The following FAM227B variants were observed in gnomAD, a reference collection of about 807,000 sequenced individuals.
The protein encoded by FAM227B is family with sequence similarity 227 member B.
In FAM227B, 88 loss-of-function variants were observed where a neutral mutation model predicts 73.8. That is an observed-to-expected ratio of 1.19 (90% CI 1.00 to 1.42). The LOEUF (loss-of-function observed/expected upper bound fraction) is 1.42. Among genes scored for constraint, FAM227B ranks in the 40% most tolerant of loss-of-function variants. FAM227B has a pLI of 0.00. For missense variants in FAM227B, 632 were observed against 590.9 expected (o/e 1.07, Z -0.72); for synonymous variants, 210 against 190.5 (o/e 1.10, Z -0.84).
intron 11 of FAM227B, among the ~76,000 whole-genome samples, chr15:49,440,281 C>A (rs961483313): frequency 6.6e-6 from 1 of 151,670 alleles, no homozygotes; most frequent in Non-Finnish European, 1.5e-5. Context: ...CAATTTGGAT[C>A]ATTTCCCCTT....
At chr15:49,458,551 A>G (rs1432947855) in intron 11 of FAM227B, among the ~76,000 whole-genome samples, 1 of 152,126 alleles carries the variant, frequency 6.6e-6, no homozygotes, top group East Asian at 1.9e-4. Flanking sequence ...AAACTCTTTA[A>G]GAACAGGATG....
chr15:49,476,758 CA>C (rs548306069), intron 11 of FAM227B, among the ~76,000 whole-genome samples: 2 of 151,742 alleles, frequency 1.3e-5, no homozygotes, highest in African/African-American at 2.4e-5. Flanking sequence ...TTTAGATTTA[CA>C]AAAAAAATTG....
intron 3 of FAM227B, among the ~76,000 whole-genome samples, chr15:49,596,595 G>A (rs1239423122): frequency 6.6e-6 from 1 of 151,822 alleles, no homozygotes; most frequent in Non-Finnish European, 1.5e-5. Flanking sequence ...AGTAACAACT[G>A]GCATGATGAA....
intron 11 of FAM227B, among the ~76,000 whole-genome samples, chr15:49,428,465 C>T (rs547383068): frequency 1.3e-5 from 2 of 151,988 alleles, no homozygotes; most frequent in South Asian, 4.1e-4. Context: ...TCAGAACTCT[C>T]CCCATGGGGA....
At chr15:49,475,567 TAACA>T (rs1486224229) in intron 11 of FAM227B, among the ~76,000 whole-genome samples, 2 of 152,194 alleles carry the variant, frequency 1.3e-5, no homozygotes, top group Non-Finnish European at 2.9e-5. Context: ...AGCAGATATT[TAACA>T]AATAAAATAT....
intron 9 of FAM227B, among the ~76,000 whole-genome samples, chr15:49,551,554 GC>G (rs1205511661): frequency 6.6e-6 from 1 of 152,032 alleles, no homozygotes; most frequent in Non-Finnish European, 1.5e-5. Context: ...CATCCATTCA[GC>G]CAGTCTTTTA....
At chr15:49,541,957 TA>T in intron 9 of FAM227B, 151 bp from the exon 10 acceptor site, 1 of 612,336 alleles carries the variant, frequency 1.6e-6, no homozygotes, top group Non-Finnish European at 2.4e-6. Flanking sequence ...ATCACATTTA[TA>T]TAAATTAATG....
chr15:49,533,473 T>C lies in FAM227B; in HGVS notation c.874+8207A>G, dbSNP rs532775646. On this transcript the variant is annotated intron_variant, in intron 10 of 15. Coordinates refer to ENST00000299338, the MANE Select transcript of FAM227B (RefSeq NM_152647.3). ...ATCAATTTTTGAAAATAGGGTCTTA[T>C]AGTCTCCTATTATTATTGCTTTGTA... Among the ~76,000 whole-genome samples the C allele has an allele frequency of 7.2e-5, 11 of 152,024 alleles. No homozygotes were observed. In the South Asian group the frequency reaches 1.4e-3, roughly 20 times the overall value.
intron 11 of FAM227B, among the ~76,000 whole-genome samples, chr15:49,474,495 C>G (rs1445942247): frequency 1.3e-5 from 2 of 151,976 alleles, no homozygotes; most frequent in Non-Finnish European, 2.9e-5. Context: ...AGCTGACAGA[C>G]AGGTAAATCA....
At chr15:49,397,867 C>A (rs986978769) in intron 11 of FAM227B, among the ~76,000 whole-genome samples, 4 of 152,154 alleles carry the variant, frequency 2.6e-5, no homozygotes, top group African/African-American at 4.8e-5. Context: ...CGGAAAGGAA[C>A]CACCGGTACC....
At chr15:49,329,830 T>C in intron 15 of FAM227B, 8 of 658,290 alleles carry the variant, frequency 1.2e-5, no homozygotes, top group Non-Finnish European at 1.5e-5. Context: ...AAAAGGCACC[T>C]GTCATTGTTT....
At chr15:49,541,237 A>G (rs948137747) in intron 10 of FAM227B, among the ~76,000 whole-genome samples, 1 of 152,052 alleles carries the variant, frequency 6.6e-6, no homozygotes, top group Non-Finnish European at 1.5e-5. Context: ...CAATCCTACC[A>G]TTTTCACCTA....
intron 9 of FAM227B, among the ~76,000 whole-genome samples, chr15:49,562,183 C>T (rs1167540384): frequency 1.3e-5 from 2 of 151,960 alleles, no homozygotes; most frequent in Non-Finnish European, 2.9e-5. Flanking sequence ...AACAATCCCA[C>T]AAAAATACAA....
At chr15:49,413,362 CCTT>C (rs957092253) in intron 11 of FAM227B, among the ~76,000 whole-genome samples, 4 of 152,074 alleles carry the variant, frequency 2.6e-5, no homozygotes, top group African/African-American at 9.7e-5. Context: ...ACATGCTCCT[CCTT>C]GTCTTCCACC....
chr15:49,611,159 C>T, intron 3 of FAM227B, 56 bp downstream of exon 3: 1 of 1,062,988 alleles, frequency 9.4e-7, no homozygotes, highest in Non-Finnish European at 1.4e-6. Flanking sequence ...TCTAAATCTC[C>T]ATAACTGATA....
intron 11 of FAM227B, among the ~76,000 whole-genome samples, chr15:49,502,557 T>G (rs2058228915): frequency 1.3e-5 from 2 of 152,242 alleles, no homozygotes; most frequent in South Asian, 4.1e-4. Context: ...ATGCCTATAC[T>G]CCCATCGTAT....
chr15:49,521,518 A>C (rs1328369966), intron 10 of FAM227B, among the ~76,000 whole-genome samples: 3 of 151,750 alleles, frequency 2.0e-5, no homozygotes, highest in African/African-American at 7.3e-5. Context: ...TAAAGCAAAC[A>C]AACTTGGAGA....
At chr15:49,528,846 G>A (rs1004085331) in intron 10 of FAM227B, among the ~76,000 whole-genome samples, 8 of 151,756 alleles carry the variant, frequency 5.3e-5, no homozygotes, top group Admixed American at 2.0e-4. Context: ...TGAGGATGTG[G>A]AGAAAAGGTA....
chr15:49,588,217 T>G (rs1470422658), intron 4 of FAM227B, 134 bp from the exon 5 acceptor site: 3 of 456,728 alleles, frequency 6.6e-6, no homozygotes, highest in African/African-American at 6.1e-5. Context: ...TTGTGATAAG[T>G]ATATGTTAAT....
Sources: gnomAD v4.1 joint callset for allele counts (sites outside exome capture counted in the v4.1 genomes callset) on GRCh38, gnomAD v4.1.1 for gene constraint, MANE v1.5 for transcripts, NCBI Gene and HGNC (gene_info 2026-07-23, HGNC 2026-07-21) for gene names.